The following PHACTR2 variants were observed in gnomAD, a reference collection of about 807,000 sequenced individuals.
The protein encoded by PHACTR2 is chromosome 6 open reading frame 56.
PHACTR2 carries 30 observed loss-of-function variants against 76.0 expected under a neutral mutation model. That is an observed-to-expected ratio of 0.39 (90% CI 0.30 to 0.54). PHACTR2 has a LOEUF of 0.54. Ranked by LOEUF, PHACTR2 falls within the 20% of genes least tolerant of loss-of-function variation. The probability of loss-of-function intolerance (pLI) is 0.61; values close to 1 mark genes in which losing one functional copy is unlikely to be tolerated. For synonymous variants in PHACTR2, 292 were observed against 292.5 expected, an observed-to-expected ratio of 1.00 and a Z score of 0.02; for missense variants, 696 against 781.1, an observed-to-expected ratio of 0.89 and a Z score of 1.30.
intron 1 of PHACTR2, among the ~76,000 whole-genome samples, chr6:143,665,225 T>C (rs368638017): frequency 6.6e-6 from 1 of 152,270 alleles, no homozygotes; most frequent in African/African-American, 2.4e-5. Flanking sequence ...TGACAGTTGC[T>C]TCTTCAAAAC....
rs1775501892 is a variant in PHACTR2, at chr6:143,784,325, G to T, written c.1707+1045G>T. Among the ~76,000 whole-genome samples the T allele has an allele frequency of 1.3e-5, 2 of 152,146 alleles. No individual in the cohort carries two copies. Among genetic ancestry groups the T allele is most frequent in the Non-Finnish European group, 2.9e-5 (2 of 68,026 alleles). On this transcript the variant is annotated intron_variant, in intron 10 of 12. Transcript: ENST00000440869. The surrounding 1 kb of genome is among the most constrained non-coding windows in gnomAD (Gnocchi z 4.5). ...ATGAATATATAAATCTGATGTTAGG[G>T]CCATCACTTTTTTCTGTGTTAAAGT...
At chr6:143,704,076 GGTGTGTGTGTGTGTGTGTCT>G (rs973838169) in intron 1 of PHACTR2, among the ~76,000 whole-genome samples, 5 of 72,928 alleles carry the variant, frequency 6.9e-5, no homozygotes, top group Admixed American at 2.2e-4. Flanking sequence ...GTCCATCATG[GGTGTGTGTGTGTGTGTGTCT>G]GTGTGTGTGT....
At chr6:143,693,985 C>A (rs1216616421) in intron 1 of PHACTR2, among the ~76,000 whole-genome samples, 4 of 152,034 alleles carry the variant, frequency 2.6e-5, no homozygotes, top group Admixed American at 2.6e-4. Flanking sequence ...GGGAGGATCA[C>A]CCGAACCCAG....
At chr6:143,630,785 A>T (rs1776351695) in intron 1 of PHACTR2, among the ~76,000 whole-genome samples, 6 of 152,220 alleles carry the variant, frequency 3.9e-5, no homozygotes, top group Admixed American at 3.9e-4. Flanking sequence ...TAGTGATGGA[A>T]CTAAGCCAGA....
At chr6:143,814,975 G>T (rs1170966542) in intron 12 of PHACTR2, among the ~76,000 whole-genome samples, 1 of 151,938 alleles carries the variant, frequency 6.6e-6, no homozygotes, top group Non-Finnish European at 1.5e-5. Flanking sequence ...GTGGGTTTAC[G>T]GTTAAAGTAA....
intron 1 of PHACTR2, among the ~76,000 whole-genome samples, chr6:143,603,126 CA>C (rs1775829719): frequency 1.1e-5 from 1 of 95,202 alleles, no homozygotes. Context: ...GCCTGGGTGA[CA>C]AGAGCAAGAC....
intron 10 of PHACTR2, among the ~76,000 whole-genome samples, chr6:143,786,445 T>A (rs1775559323): frequency 6.6e-6 from 1 of 152,214 alleles, no homozygotes; most frequent in African/African-American, 2.4e-5. Context: ...CCTTTTCCTA[T>A]CTTCTTCTGA....
intron 1 of PHACTR2, among the ~76,000 whole-genome samples, chr6:143,660,285 G>A (rs573004191): frequency 1.6e-4 from 24 of 151,972 alleles, no homozygotes; most frequent in African/African-American, 5.8e-4. Context: ...AGTTCTACAT[G>A]GCTAAGGAGG....
At position 143,825,478 on chromosome 6, in the gene PHACTR2, G is replaced by A. The variant is rs180810116; in HGVS notation, c.*1789G>A. ...TGTGCATTAATAAAACACACCTAGA[G>A]TCTGTTGTCATTTCACTAATAGGAT... On this transcript the variant is annotated 3_prime_UTR_variant, in exon 13 of 13. Transcript: ENST00000440869. This position sits in a 1 kb window ranked among gnomAD's most constrained non-coding sequence, Gnocchi z 4.1. The A allele has an allele frequency of 6.6e-6, 1 of 152,238 alleles. No individual in the cohort carries two copies. The highest frequency in any genetic ancestry group is 1.9e-4 in the East Asian group (1 of 5,192). 9.4% of individuals were successfully genotyped at this position (152,238 alleles called of 1,614,324 possible).
intron 2 of PHACTR2, among the ~76,000 whole-genome samples, chr6:143,741,142 G>A (rs1289246216): frequency 6.7e-6 from 1 of 149,672 alleles, no homozygotes; most frequent in East Asian, 1.9e-4. Context: ...CAGCTACTCA[G>A]GAGGCTGAGG....
rs1357965774 is a variant in PHACTR2 at position 143,789,544 on chromosome 6, A to C, written c.1845+634A>C. Among the ~76,000 whole-genome samples the C allele has an allele frequency of 6.6e-6, 1 of 152,246 alleles. No individual in the cohort carries two copies. Among genetic ancestry groups the C allele is most frequent in the Non-Finnish European group, 1.5e-5 (1 of 68,050 alleles). On this transcript the variant is annotated intron_variant, in intron 11 of 12. Coordinates refer to ENST00000440869, the MANE Select transcript of PHACTR2 (RefSeq NM_001100164.2). This position sits in a 1 kb window ranked among gnomAD's most constrained non-coding sequence, Gnocchi z 5.1. ...TACAGTGGGTTCTATCAATGTAGAA[A>C]GACTTTTACCTTATTAGTACCATTG...
upstream of PHACTR2, among the ~76,000 whole-genome samples, chr6:143,604,587 TAAG>T (rs1463769177): frequency 6.6e-6 from 1 of 152,014 alleles, no homozygotes; most frequent in Non-Finnish European, 1.5e-5. Context: ...GTAGGAAAGT[TAAG>T]AAGTAATGTG....
chr6:143,692,375 C>T lies in PHACTR2; in HGVS notation c.46+14166C>T, dbSNP rs147883399. Among the ~76,000 whole-genome samples, 241 of 152,292 alleles carry T rather than the reference C, an allele frequency of 1.6e-3. 1 individual carries two copies. The highest frequency in any genetic ancestry group is 5.5e-3 in the African/African-American group (230 of 41,554). The stretch of plus-strand genomic sequence containing the variant: ...AATGGAAACTTGGAATAAACCAGAA[C>T]AAGTTAACTGAGCTCATGCCGTGGG... On this transcript the variant is annotated intron_variant, in intron 1 of 12. Coordinates refer to ENST00000440869, the MANE Select transcript of PHACTR2 (RefSeq NM_001100164.2).
chr6:143,677,753 A>C (rs1271624938), upstream of PHACTR2, among the ~76,000 whole-genome samples: 1 of 152,206 alleles, frequency 6.6e-6, no homozygotes, highest in Non-Finnish European at 1.5e-5. Context: ...TTTGACTTTG[A>C]ACCTTTTAAG....
chr6:143,622,817 C>T (rs1776180221), intron 1 of PHACTR2, among the ~76,000 whole-genome samples: 2 of 152,166 alleles, frequency 1.3e-5, no homozygotes, highest in South Asian at 4.1e-4. Context: ...GAAGATAGAA[C>T]ATGTAATAAT....
intron 6 of PHACTR2, among the ~76,000 whole-genome samples, chr6:143,771,535 C>T (rs1775141857): frequency 6.6e-6 from 1 of 151,652 alleles, no homozygotes; most frequent in African/African-American, 2.4e-5. Context: ...CTCCCGGGTT[C>T]AAGCGATTCT....
In PHACTR2 at chr6:143,754,118, GT is replaced by G; in HGVS notation, c.454+212del. On this transcript the variant is annotated intron_variant, in intron 4 of 12. Coordinates refer to ENST00000440869, the MANE Select transcript of PHACTR2 (RefSeq NM_001100164.2). The surrounding 1 kb of genome is among the most constrained non-coding windows in gnomAD (Gnocchi z 6.2). Reference sequence around the variant, plus strand: ...CATCCATTTTATAAGCACAGTATTTGTTTTTTCAATTATTAAAAATGTTAAT... The same window carrying G: ...CATCCATTTTATAAGCACAGTATTTGTTTTTCAATTATTAAAAATGTTAAT... 1 of 352,842 alleles carries G rather than the reference GT, an allele frequency of 2.8e-6. No homozygotes were observed. Among genetic ancestry groups the G allele is most frequent in the Non-Finnish European group, 5.1e-6 (1 of 197,396 alleles). 21.9% of individuals were successfully genotyped at this position (352,842 alleles called of 1,614,324 possible). A position where few individuals can be genotyped will look rare whatever the true frequency, so the allele number is the denominator to read the frequency against.
rs555315745 is a variant in PHACTR2 at position 143,580,720 on chromosome 6, C to T, written c.217+43513C>T. ...AATAAAAAATAAAAGAAGGGAGCCACTTAGTCCTGGCCTCCATAGTGTGGG... is the reference window on the plus strand; with the variant it reads ...AATAAAAAATAAAAGAAGGGAGCCATTTAGTCCTGGCCTCCATAGTGTGGG... On this transcript the variant is annotated intron_variant, in intron 1 of 11. Coordinates refer to the PHACTR2 transcript ENST00000367584. The surrounding 1 kb of genome is among the most constrained non-coding windows in gnomAD (Gnocchi z 4.2). Among the ~76,000 whole-genome samples, 56 of 152,240 alleles carry T rather than the reference C, an allele frequency of 3.7e-4. No individual in the cohort carries two copies. Among genetic ancestry groups the T allele is most frequent in the Non-Finnish European group, 6.0e-4 (41 of 68,004 alleles).
chr6:143,594,956 C>T (rs1368795796), intron 1 of PHACTR2, among the ~76,000 whole-genome samples: 1 of 152,190 alleles, frequency 6.6e-6, no homozygotes, highest in East Asian at 1.9e-4. Flanking sequence ...TAGCAGAGCT[C>T]CTTTGTATAA....
Sources: allele counts gnomAD v4.1 joint callset (sites outside exome capture counted in the v4.1 genomes callset), GRCh38; gene constraint gnomAD v4.1.1; non-coding constraint Gnocchi (gnomAD v3.1); transcripts MANE v1.5; gene names NCBI Gene and HGNC (gene_info 2026-07-23, HGNC 2026-07-21).